FBXL13: variants seen among roughly 807,000 people sequenced by gnomAD.
FBXL13 encodes F-box and leucine-rich repeat protein 13.
Under a neutral mutation model 83.6 loss-of-function variants are expected in FBXL13, and 67 were observed. The ratio of observed to expected loss-of-function variants is 0.80; its 90% CI spans 0.66 to 0.98. The LOEUF (loss-of-function observed/expected upper bound fraction) is 0.98, where lower values mean the gene tolerates loss of function less well. Ranked by LOEUF, FBXL13 falls within the 50% of genes least tolerant of loss-of-function variation. FBXL13 has a pLI of 0.00. For missense variants in FBXL13, 822 were observed against 866.5 expected (o/e 0.95, Z 0.64); for synonymous variants, 272 against 299.5 (o/e 0.91, Z 0.95).
intron 4 of FBXL13, 89 bp from the exon 6 acceptor site, chr7:103,027,647 A>T (rs1794085274): frequency 1.3e-6 from 1 of 768,688 alleles, no homozygotes; most frequent in South Asian, 2.4e-5. Flanking sequence ...TATCATGTTT[A>T]TGAGACAATG....
At chr7:102,843,871 A>T (rs1803464438) in intron 17 of FBXL13, among the ~76,000 whole-genome samples, 1 of 152,208 alleles carries the variant, frequency 6.6e-6, no homozygotes, top group African/African-American at 2.4e-5. Flanking sequence ...TGAAGAGGAC[A>T]ATGAGAGAAG....
chr7:102,836,996 G>A (rs1349190827), intron 17 of FBXL13, among the ~76,000 whole-genome samples: 1 of 152,192 alleles, frequency 6.6e-6, no homozygotes, highest in Non-Finnish European at 1.5e-5. Context: ...GTGCTGTCAA[G>A]AACCATTTTC....
At chr7:102,993,616 A>G (rs1829805679) in intron 6 of FBXL13, among the ~76,000 whole-genome samples, 2 of 152,180 alleles carry the variant, frequency 1.3e-5, no homozygotes, top group South Asian at 4.1e-4. Flanking sequence ...AAAAAAACCA[A>G]ACTTGTATTT....
intron 6 of FBXL13, among the ~76,000 whole-genome samples, chr7:102,998,653 GGA>G (rs928370651): frequency 5.3e-5 from 8 of 151,822 alleles, no homozygotes; most frequent in African/African-American, 1.9e-4. Flanking sequence ...GTTTTTTGGT[GGA>G]GTCTTTACGT....
intron 2 of FBXL13, among the ~76,000 whole-genome samples, chr7:103,033,838 AC>A (rs1280415674): frequency 6.6e-6 from 1 of 152,026 alleles, no homozygotes; most frequent in Non-Finnish European, 1.5e-5. Context: ...ATCTGGCCCC[AC>A]CCACATCCTG....
intron 11 of FBXL13, among the ~76,000 whole-genome samples, chr7:102,891,117 G>A (rs896349691): frequency 1.3e-5 from 2 of 152,198 alleles, no homozygotes; most frequent in African/African-American, 4.8e-5. Context: ...TAGGGACTGT[G>A]CTACGAGGGT....
intron 19 of FBXL13, among the ~76,000 whole-genome samples, chr7:102,820,344 CG>C (rs534597012): frequency 9.9e-5 from 15 of 152,212 alleles, no homozygotes; most frequent in South Asian, 4.1e-4. Flanking sequence ...AATAGGCCTT[CG>C]GCTGTCATGG....
intron 6 of FBXL13, among the ~76,000 whole-genome samples, chr7:103,019,069 G>A (rs576614980): frequency 6.6e-6 from 1 of 152,262 alleles, no homozygotes; most frequent in South Asian, 2.1e-4. Flanking sequence ...TCACATAGTT[G>A]GAAGTAAAGC....
intron 6 of FBXL13, among the ~76,000 whole-genome samples, chr7:102,989,460 C>G (rs1720210106): frequency 6.6e-6 from 1 of 152,292 alleles, no homozygotes; most frequent in Non-Finnish European, 1.5e-5. Flanking sequence ...TTTAGAAACA[C>G]TCTGGGCCTC....
chr7:102,863,705 A>C (rs1263632330), intron 16 of FBXL13, among the ~76,000 whole-genome samples: 1 of 152,194 alleles, frequency 6.6e-6, no homozygotes, highest in Non-Finnish European at 1.5e-5. Context: ...AGGGGCCCAT[A>C]GTTTAGAGAG....
At chr7:102,856,854 T>C (rs1298822371) in intron 16 of FBXL13, among the ~76,000 whole-genome samples, 5 of 152,162 alleles carry the variant, frequency 3.3e-5, no homozygotes, top group Admixed American at 2.6e-4. Flanking sequence ...AAATTAAACA[T>C]AGAGTTATAA....
chr7:102,825,877 A>G (rs926510543), intron 18 of FBXL13, among the ~76,000 whole-genome samples: 13 of 152,200 alleles, frequency 8.5e-5, no homozygotes, highest in Non-Finnish European at 8.8e-5. Context: ...ACCATAGGCA[A>G]GTTGCTTAAA....
chr7:102,895,525 TG>T (rs752634455), intron 11 of FBXL13, among the ~76,000 whole-genome samples: 24 of 152,334 alleles, frequency 1.6e-4, no homozygotes, highest in South Asian at 1.2e-3. Context: ...TCTAGGCATT[TG>T]GGCTTGAACC....
chr7:102,952,659 A>G (rs1414205691), intron 8 of FBXL13, among the ~76,000 whole-genome samples: 2 of 152,112 alleles, frequency 1.3e-5, no homozygotes, highest in Non-Finnish European at 2.9e-5. Context: ...TAGAGCTATA[A>G]TAAGTAAAAA....
intron 6 of FBXL13, among the ~76,000 whole-genome samples, chr7:102,977,087 A>G (rs1827578942): frequency 6.6e-6 from 1 of 152,194 alleles, no homozygotes; most frequent in Non-Finnish European, 1.5e-5. Flanking sequence ...ACGATCCTTA[A>G]AGGTAGGAGG....
intron 17 of FBXL13, chr7:102,834,464 T>C (rs1225001925): frequency 2.7e-5 from 4 of 146,824 alleles, no homozygotes; most frequent in Non-Finnish European, 4.5e-5. Context: ...ATTATATATA[T>C]ATATATATAT....
At chr7:103,074,067 T>C (rs769335011) in intron 1 of FBXL13, among the ~76,000 whole-genome samples, 2 of 152,194 alleles carry the variant, frequency 1.3e-5, no homozygotes, top group African/African-American at 2.4e-5. Flanking sequence ...CCTTCCCTAC[T>C]CTTATAACGG....
intron 17 of FBXL13, among the ~76,000 whole-genome samples, chr7:102,834,177 C>G (rs952616137): frequency 6.7e-6 from 1 of 150,198 alleles, no homozygotes. Flanking sequence ...GAGGAAATTT[C>G]CTCCCCCAAA....
intron 1 of FBXL13, among the ~76,000 whole-genome samples, chr7:103,067,031 C>G (rs920334724): frequency 6.6e-6 from 1 of 151,792 alleles, no homozygotes; most frequent in Non-Finnish European, 1.5e-5. Context: ...GTGATCTGCC[C>G]GCCTCGGCCT....
Sources: allele counts gnomAD v4.1 joint callset (sites outside exome capture counted in the v4.1 genomes callset), GRCh38; gene constraint gnomAD v4.1.1; transcripts MANE v1.5; gene names NCBI Gene and HGNC (gene_info 2026-07-23, HGNC 2026-07-21).